The following SLC4A9 variants were observed in gnomAD, a reference collection of about 807,000 sequenced individuals.
SLC4A9 encodes the protein solute carrier family 4 member 9.
In SLC4A9, 102 loss-of-function variants were observed where a neutral mutation model predicts 103.2. That is an observed-to-expected ratio of 0.99 (90% CI 0.84 to 1.17). The LOEUF (loss-of-function observed/expected upper bound fraction) is 1.17, where lower values mean the gene tolerates loss of function less well. SLC4A9 is among the 50% of genes most tolerant of loss of function. The pLI is 0.00. For missense variants in SLC4A9, 1,091 were observed against 1,193.7 expected, an observed-to-expected ratio of 0.91 and a Z score of 1.27; for synonymous variants, 453 against 483.6, an observed-to-expected ratio of 0.94 and a Z score of 0.83.
rs370165931 is a variant in SLC4A9 at position 140,362,883 on chromosome 5, T to C, written c.808-29T>C. 1.2e-5 allele frequency: 20 copies of C among 1,613,844 alleles called. No homozygotes were observed. In the African/African-American group the frequency reaches 2.4e-4, roughly 19 times the overall value. On this transcript the variant is annotated intron_variant, in intron 6 of 21. Transcript: ENST00000506757. ...GCATGTAAGAGACCAGGTTTGCACT[T>C]ACCACCCATTCTGTGCCCCCATTCC...
In SLC4A9 at chr5:140,369,625, G is replaced by A. The variant is rs528229959; in HGVS notation, c.2427+966G>A. Among the ~76,000 whole-genome samples, 15 of 152,302 alleles carry A rather than the reference G, an allele frequency of 9.8e-5. No individual in the cohort carries two copies. In the East Asian group the frequency reaches 1.9e-3, roughly 20 times the overall value. ...GAAAGGTCATGGAAGCTGGGTGAAA[G>A]TGGAGTAGGGAAAGAGCCAGATGGA... On this transcript the variant is annotated intron_variant, in intron 17 of 21. Coordinates refer to ENST00000506757, the MANE Select transcript of SLC4A9 (RefSeq NM_031467.3).
At position 140,364,438 on chromosome 5, in the gene SLC4A9, G is replaced by A; in HGVS notation, c.1464G>A (p.Val488=). The A allele has an allele frequency of 3.1e-6, 5 of 1,613,532 alleles. No individual in the cohort carries two copies. The highest frequency in any genetic ancestry group is 1.7e-4 in the Middle Eastern group (1 of 6,002). Residue 488 remains valine, a synonymous_variant, in exon 11 of 22, where the codon GTG becomes GTA. Transcript: ENST00000506757. ...IWVATFCLVL[V]ATEASVLVRY... ...TGGCTACCTTTTGCCTGGTGCTGGT[G>A]GCCACAGAGGCCAGTGTGCTGGTGC... is the stretch of plus-strand genomic sequence containing the variant.
intron 3 of SLC4A9, 68 bp downstream of exon 3, chr5:140,361,435 C>A: frequency 7.7e-7 from 1 of 1,291,688 alleles, no homozygotes; most frequent in Non-Finnish European, 1.1e-6. Context: ...TCCCCTGCAC[C>A]TTCCAGGGCT....
In SLC4A9 at chr5:140,360,970, T is replaced by A. The variant is rs773033090; in HGVS notation, c.389T>A (p.Val130Glu). The change falls in exon 2 of 22, where the codon GTG (valine) becomes GAG (glutamate). Residue 130 changes from valine to glutamate, a missense_variant and splice_region_variant. Val to Glu is a moderately radical substitution (Grantham distance 121). Transcript: ENST00000506757. ...CCAGCTCAGAGCCTCCTGGAGCTCG[T>A]GGGTAGGCTGGGATCCTTTGCAGGA... Reference protein sequence around the residue: ...DCPAQSLLELVEQVTRVESLS... With the variant: ...DCPAQSLLELEEQVTRVESLS... The A allele has an allele frequency of 6.4e-7, 1 of 1,570,628 alleles. No individual in the cohort carries two copies. Among genetic ancestry groups the A allele is most frequent in the Non-Finnish European group, 8.6e-7 (1 of 1,157,258 alleles).
At chr5:140,371,012 G>C (rs1435884233) in intron 17 of SLC4A9, 83 bp from the exon 18 acceptor site, 10 of 1,236,920 alleles carry the variant, frequency 8.1e-6, no homozygotes. Flanking sequence ...GATGCTAGAG[G>C]GATCTAGGGC....
At position 140,368,583 on chromosome 5, in the gene SLC4A9, A is replaced by T; in HGVS notation, c.2355-4A>T. The T allele has an allele frequency of 6.2e-7, 1 of 1,612,212 alleles. No individual in the cohort carries two copies. Among genetic ancestry groups the T allele is most frequent in the African/African-American group, 1.3e-5 (1 of 75,030 alleles). ...CCTCAGCTAACTCCTCCCTCTCCCC[A>T]CAGGGAACAGAGGCTGACAGGCCTG... On this transcript the variant is annotated splice_region_variant and splice_polypyrimidine_tract_variant and intron_variant, in intron 16 of 21. Transcript: ENST00000506757.
chr5:140,363,646 G>T lies in SLC4A9; in HGVS notation c.1080-82G>T. ...GAGGTGTGTGCTCACTGTGGGAGGG[G>T]CTCACCCGGTCACAGGGAAAGTAGC... On this transcript the variant is annotated intron_variant, in intron 8 of 21. Transcript: ENST00000506757. This position sits in a 1 kb window ranked among gnomAD's most constrained non-coding sequence, Gnocchi z 4.5. The T allele has an allele frequency of 1.3e-6, 2 of 1,580,896 alleles. No individual in the cohort carries two copies. Among genetic ancestry groups the T allele is most frequent in the Non-Finnish European group, 1.7e-6 (2 of 1,161,090 alleles).
rs369172069 is a variant in SLC4A9, at chr5:140,364,594, C to T, written c.1620C>T (p.Tyr540=). 62 of 1,601,544 alleles carry T rather than the reference C, an allele frequency of 3.9e-5. No individual in the cohort carries two copies. The highest frequency in any genetic ancestry group is 1.2e-4 in the South Asian group (11 of 89,024). ...YPIQKPGSSA[Y]GCLCQYPGPG... ...TCCAGAAGCCTGGGTCCTCTGCCTA[C>T]GGGTGCCTCTGCCAATACCCAGGCC... Residue 540 remains tyrosine (Y), a synonymous_variant, in exon 11 of 22, where the codon TAC becomes TAT. Transcript: ENST00000506757.
At chr5:140,371,673 C>G (rs778284518) in intron 19 of SLC4A9, 49 bp downstream of exon 19, 2 of 1,598,046 alleles carry the variant, frequency 1.3e-6, no homozygotes, top group East Asian at 4.5e-5. Flanking sequence ...TTGGGAGACT[C>G]TGAGCCTGGA....
chr5:140,368,781 G>A (rs185021115), intron 17 of SLC4A9, 122 bp downstream of exon 17: 79 of 727,382 alleles, frequency 1.1e-4, no homozygotes, highest in Admixed American at 6.7e-4. Flanking sequence ...CTCCATACAT[G>A]GTCTCATTTA....
chr5:140,372,116 T>C (rs1385578819), intron 19 of SLC4A9, 126 bp from the exon 20 acceptor site: 1 of 849,644 alleles, frequency 1.2e-6, no homozygotes, highest in Non-Finnish European at 1.7e-6. Flanking sequence ...CTCATAGGAA[T>C]GTGCTAGCAT....
rs1406058515 is a variant in SLC4A9 at position 140,367,851 on chromosome 5, G to C, written c.2307G>C (p.Glu769Asp). 2.5e-6 allele frequency: 4 copies of C among 1,614,008 alleles called. No individual in the cohort carries two copies. The highest frequency in any genetic ancestry group is 1.1e-5 in the South Asian group (1 of 91,080). Reference protein sequence around the residue: ...SLAHMDSLRRESRACAPGERP... With the variant: ...SLAHMDSLRRDSRACAPGERP... The stretch of plus-strand genomic sequence containing the variant: ...CTCACATGGACAGTCTTCGGAGAGA[G>C]AGCAGAGCCTGTGCCCCCGGGGAGC... The change falls in exon 16 of 22, where the codon GAG becomes GAC. Residue 769 changes from glutamate (E) to aspartate (D), a missense_variant. Glu to Asp is a conservative substitution (Grantham distance 45). Transcript: ENST00000506757.
At chr5:140,370,302 A>G (rs964427392) in intron 17 of SLC4A9, among the ~76,000 whole-genome samples, 9 of 151,868 alleles carry the variant, frequency 5.9e-5, no homozygotes, top group Non-Finnish European at 1.0e-4. Flanking sequence ...CATCTCTACT[A>G]AAAATATAAA....
At chr5:140,366,887 G>A (rs1397091836) in intron 14 of SLC4A9, among the ~76,000 whole-genome samples, 1 of 152,198 alleles carries the variant, frequency 6.6e-6, no homozygotes, top group African/African-American at 2.4e-5. Context: ...GCTTAGCACT[G>A]ATTTCTAGAC....
Position 140,363,196 on chromosome 5 carries a change from C to T in SLC4A9, c.962+130C>T. ...TCTTTGGATTTGGAGTCAGGCAGACCTAACTCTGAGTTCTGCTGGACTACT... is the reference window on the plus strand; with the variant it reads ...TCTTTGGATTTGGAGTCAGGCAGACTTAACTCTGAGTTCTGCTGGACTACT... On this transcript the variant is annotated intron_variant, in intron 7 of 21. Coordinates refer to ENST00000506757, the MANE Select transcript of SLC4A9 (RefSeq NM_031467.3). The surrounding 1 kb of genome is among the most constrained non-coding windows in gnomAD (Gnocchi z 4.5). The T allele has an allele frequency of 8.0e-7, 1 of 1,257,028 alleles. No individual in the cohort carries two copies. Among genetic ancestry groups the T allele is most frequent in the Non-Finnish European group, 1.1e-6 (1 of 906,474 alleles). 77.9% of individuals were successfully genotyped at this position (1,257,028 alleles called of 1,614,324 possible).
Position 140,360,352 on chromosome 5 carries a change from G to A in SLC4A9, c.116G>A (p.Gly39Asp), listed in dbSNP as rs1401628811. The A allele has an allele frequency of 6.2e-7, 1 of 1,611,022 alleles. No homozygotes were observed. Among genetic ancestry groups the A allele is most frequent in the African/African-American group, 1.3e-5 (1 of 74,926 alleles). Residue 39 changes from glycine to aspartate, a missense_variant, in exon 1 of 22, where the codon GGC (glycine) becomes GAC (aspartate). Coordinates refer to ENST00000506757, the MANE Select transcript of SLC4A9 (RefSeq NM_031467.3). ...PDPGTGPSPD[G>D]PSDTESKELG... The stretch of plus-strand genomic sequence containing the variant: ...CCTGGCACCGGCCCCAGCCCTGATG[G>A]CCCCTCAGACACAGAGAGCAAGGAA...
chr5:140,368,978 C>T (rs1378785254), intron 17 of SLC4A9, among the ~76,000 whole-genome samples: 1 of 152,190 alleles, frequency 6.6e-6, no homozygotes. Context: ...CCACCATCCC[C>T]TAGGGTCTAA....
chr5:140,363,192 A>T lies in SLC4A9; in HGVS notation c.962+126A>T. ...CCTATCTTTGGATTTGGAGTCAGGC[A>T]GACCTAACTCTGAGTTCTGCTGGAC... is the stretch of plus-strand genomic sequence containing the variant. On this transcript the variant is annotated intron_variant, in intron 7 of 21. Transcript: ENST00000506757. The surrounding 1 kb of genome is among the most constrained non-coding windows in gnomAD (Gnocchi z 4.5). 7.8e-7 allele frequency: 1 copy of T among 1,276,944 alleles called. No homozygotes were observed. The highest frequency in any genetic ancestry group is 1.1e-6 in the Non-Finnish European group (1 of 923,682). 79.1% of individuals were successfully genotyped at this position (1,276,944 alleles called of 1,614,324 possible).
At chr5:140,372,989 G>T in intron 21 of SLC4A9, 146 bp downstream of exon 21, 1 of 499,730 alleles carries the variant, frequency 2.0e-6, no homozygotes, top group Non-Finnish European at 3.5e-6. Context: ...GGGTGTAGAA[G>T]GGTCTCTTCC....
Sources: allele counts gnomAD v4.1 joint callset (sites outside exome capture counted in the v4.1 genomes callset), GRCh38; gene constraint gnomAD v4.1.1; non-coding constraint Gnocchi (gnomAD v3.1); transcripts MANE v1.5; gene names NCBI Gene and HGNC (gene_info 2026-07-23, HGNC 2026-07-21).